The following MPDZ variants were observed in gnomAD, a reference collection of about 807,000 sequenced individuals.
MPDZ encodes multiple PDZ domain crumbs cell polarity complex component, also known as multiple PDZ domain protein.
MPDZ carries 234 observed loss-of-function variants against 239.1 expected under a neutral mutation model. The ratio of observed to expected loss-of-function variants is 0.98; its 90% CI spans 0.88 to 1.09. MPDZ has a LOEUF of 1.09. Among genes scored for constraint, MPDZ ranks in the 50% least tolerant of loss-of-function variants. The probability of loss-of-function intolerance (pLI) is 0.00; values close to 1 mark genes in which losing one functional copy is unlikely to be tolerated. For synonymous variants in MPDZ, 1,048 were observed against 881.3 expected (o/e 1.19, Z -3.35); for missense variants, 3,175 against 2,510.0 (o/e 1.26, Z -5.66).
At position 13,217,858 on chromosome 9, in the gene MPDZ, T is replaced by A. The variant is rs538718624; in HGVS notation, c.1087-564A>T. Among the ~76,000 whole-genome samples the A allele has an allele frequency of 9.2e-5, 14 of 151,938 alleles. No individual in the cohort carries two copies. The East Asian group carries it at 1.6e-3, about 17-fold the overall frequency. ...CCTCATAATTCCTCATAATTCAGCA[T>A]CCTGAATGATAACTGAAAGTGGGTT... On this transcript the variant is annotated intron_variant, in intron 8 of 46. Transcript: ENST00000319217.
rs1973755294 is a variant in MPDZ at position 13,274,634 on chromosome 9, G to T, written c.-58+4766C>A. ...ACCTAAAAAACAAAAAAAAAAAAAA[G>T]TTTTTATTTTATGTAACATAAATTC... On this transcript the variant is annotated intron_variant, in intron 1 of 46. Transcript: ENST00000319217. The T allele has an allele frequency of 2.0e-5, 3 of 146,844 alleles. No individual in the cohort carries two copies. In the South Asian group the frequency reaches 6.6e-4, roughly 33 times the overall value. 9.1% of individuals were successfully genotyped at this position (146,844 alleles called of 1,614,324 possible).
At chr9:13,233,837 T>C (rs1445285493) in intron 3 of MPDZ, among the ~76,000 whole-genome samples, 1 of 152,132 alleles carries the variant, frequency 6.6e-6, no homozygotes, top group Non-Finnish European at 1.5e-5. Context: ...TTAAAATGAA[T>C]GCAGAGCACA....
chr9:13,139,759 G>C (rs543116252), intron 28 of MPDZ: 27 of 524,584 alleles, frequency 5.1e-5, no homozygotes, highest in African/African-American at 4.8e-4. Context: ...TCATACAAAA[G>C]GCAGAGTGAG....
At chr9:13,168,307 T>G (rs1951336830) in intron 22 of MPDZ, 59 bp downstream of exon 22, 1 of 1,485,734 alleles carries the variant, frequency 6.7e-7, no homozygotes. Context: ...GAAAAAGAAT[T>G]CTGATTAATT....
At chr9:13,220,891 A>C (rs541157141) in intron 7 of MPDZ, among the ~76,000 whole-genome samples, 7 of 152,186 alleles carry the variant, frequency 4.6e-5, no homozygotes, top group African/African-American at 1.7e-4. Flanking sequence ...GTAATGCCTC[A>C]ATAAACTACT....
At chr9:13,116,977 C>A (rs1943555687) in intron 39 of MPDZ, among the ~76,000 whole-genome samples, 1 of 151,946 alleles carries the variant, frequency 6.6e-6, no homozygotes, top group Non-Finnish European at 1.5e-5. Flanking sequence ...TTCTAAGACC[C>A]CCCGCCAGTG....
rs1205045338 is a variant in MPDZ at position 13,106,956 on chromosome 9, G to C, written c.*9C>G. Reference sequence around the variant, plus strand: ...TAGGGGTTGGGTTGGTTCAATTCTGGCAGCCAATTCAAGAGAGAACCATCA... The same window carrying C: ...TAGGGGTTGGGTTGGTTCAATTCTGCCAGCCAATTCAAGAGAGAACCATCA... On this transcript the variant is annotated 3_prime_UTR_variant, in exon 47 of 47. Coordinates refer to ENST00000319217, the MANE Select transcript of MPDZ (RefSeq NM_001378778.1). 2 of 1,612,908 alleles carry C rather than the reference G, an allele frequency of 1.2e-6. No individual in the cohort carries two copies. The highest frequency in any genetic ancestry group is 8.5e-7 in the Non-Finnish European group (1 of 1,179,126).
intron 35 of MPDZ, among the ~76,000 whole-genome samples, chr9:13,124,745 C>G (rs1223256543): frequency 6.6e-6 from 1 of 152,194 alleles, no homozygotes; most frequent in Non-Finnish European, 1.5e-5. Context: ...CAGTGGCAGG[C>G]AGTACTGATC....
At chr9:13,250,848 G>C (rs540398356) in intron 1 of MPDZ, among the ~76,000 whole-genome samples, 2 of 152,080 alleles carry the variant, frequency 1.3e-5, no homozygotes, top group African/African-American at 4.8e-5. Flanking sequence ...TGAACTGTGG[G>C]CTGGGCATGG....
At chr9:13,132,495 G>A (rs1028680060) in intron 32 of MPDZ, among the ~76,000 whole-genome samples, 3 of 152,096 alleles carry the variant, frequency 2.0e-5, no homozygotes, top group Non-Finnish European at 2.9e-5. Flanking sequence ...CATCTATCAA[G>A]CACCTTAATC....
chr9:13,196,695 A>C lies in MPDZ; in HGVS notation c.1547-465T>G, dbSNP rs1955696396. Among the ~76,000 whole-genome samples the C allele has an allele frequency of 3.3e-5, 5 of 152,192 alleles. No individual in the cohort carries two copies. In the South Asian group the frequency reaches 1.0e-3, roughly 32 times the overall value. On this transcript the variant is annotated intron_variant, in intron 12 of 46. Coordinates refer to ENST00000319217, the MANE Select transcript of MPDZ (RefSeq NM_001378778.1). ...ATATATGTAACTCCATATATGAGAA[A>C]ATATAAAGAAATAATAATAAACTAA...
chr9:13,208,319 T>C (rs1011535237), intron 10 of MPDZ, among the ~76,000 whole-genome samples: 5 of 152,008 alleles, frequency 3.3e-5, no homozygotes, highest in African/African-American at 9.7e-5. Context: ...TGGCACATGA[T>C]TGTAATCCCA....
intron 3 of MPDZ, among the ~76,000 whole-genome samples, chr9:13,238,199 C>A (rs1964557753): frequency 1.3e-5 from 2 of 152,160 alleles, no homozygotes; most frequent in Admixed American, 6.5e-5. Context: ...CAGTTGTGCC[C>A]ACTGGACTAT....
intron 28 of MPDZ, among the ~76,000 whole-genome samples, chr9:13,139,477 C>G (rs1947319826): frequency 6.6e-6 from 1 of 152,122 alleles, no homozygotes; most frequent in African/African-American, 2.4e-5. Flanking sequence ...GAGGGGAGAA[C>G]TCCATTTTAA....
chr9:13,158,339 A>G (rs2133395588), intron 23 of MPDZ, among the ~76,000 whole-genome samples: 1 of 152,154 alleles, frequency 6.6e-6, no homozygotes, highest in South Asian at 2.1e-4. Context: ...GAACACTAAG[A>G]CTCTTGTCTA....
intron 23 of MPDZ, among the ~76,000 whole-genome samples, chr9:13,161,972 A>C (rs1203875957): frequency 2.6e-5 from 4 of 152,114 alleles, no homozygotes; most frequent in Non-Finnish European, 4.4e-5. Context: ...ACAAATAAAA[A>C]ATGTTTCTGG....
At chr9:13,193,043 T>C (rs1955162288) in intron 14 of MPDZ, 124 bp downstream of exon 14, 3 of 930,064 alleles carry the variant, frequency 3.2e-6, no homozygotes, top group Non-Finnish European at 4.3e-6. Flanking sequence ...TTTTTATCTG[T>C]AGATTTCTCT....
At chr9:13,263,505 T>C (rs1320336864) in intron 1 of MPDZ, among the ~76,000 whole-genome samples, 4 of 152,058 alleles carry the variant, frequency 2.6e-5, no homozygotes, top group Non-Finnish European at 2.9e-5. Context: ...TCAGCTAGAC[T>C]ACCTAATTCC....
chr9:13,263,306 G>A (rs927527114), intron 1 of MPDZ, among the ~76,000 whole-genome samples: 2 of 150,648 alleles, frequency 1.3e-5, no homozygotes, highest in African/African-American at 2.4e-5. Context: ...CAGCCGATAT[G>A]TGAAAATGTT....
Sources: gnomAD v4.1 joint callset for allele counts (sites outside exome capture counted in the v4.1 genomes callset) on GRCh38, gnomAD v4.1.1 for gene constraint, MANE v1.5 for transcripts, NCBI Gene and HGNC (gene_info 2026-07-23, HGNC 2026-07-21) for gene names.